Variants in VWA8 observed in about 807,000 individuals in gnomAD.
VWA8 encodes the protein von Willebrand factor A domain containing 8, also known as von Willebrand factor A domain-containing protein 8.
A neutral mutation model predicts 241.5 loss-of-function variants in VWA8; 221 were observed. The ratio of observed to expected loss-of-function variants is 0.91; its 90% CI spans 0.82 to 1.02. The LOEUF (loss-of-function observed/expected upper bound fraction) is 1.02. Among genes scored for constraint, VWA8 ranks in the 50% least tolerant of loss-of-function variants. The pLI, the probability that VWA8 is intolerant of heterozygous loss-of-function variation, is 0.00. For missense variants in VWA8, 2,322 were observed against 2,328.7 expected, an observed-to-expected ratio of 1.00 and a Z score of 0.06; for synonymous variants, 852 against 827.1, an observed-to-expected ratio of 1.03 and a Z score of -0.52.
chr13:41,616,973 T>A (rs1376844704), intron 37 of VWA8, among the ~76,000 whole-genome samples: 3 of 152,044 alleles, frequency 2.0e-5, no homozygotes, highest in African/African-American at 4.8e-5. Flanking sequence ...ATTTAATAAA[T>A]CTATATGAGT....
At chr13:41,758,397 A>AAT (rs1566444703) in intron 21 of VWA8, among the ~76,000 whole-genome samples, 1 of 8,630 alleles carries the variant, frequency 1.2e-4, no homozygotes, top group African/African-American at 3.2e-4. Context: ...TATATACGCT[A>AAT]GTATATATAT....
intron 17 of VWA8, among the ~76,000 whole-genome samples, chr13:41,794,978 G>C (rs184468937): frequency 9.2e-5 from 14 of 152,256 alleles, no homozygotes; most frequent in Non-Finnish European, 1.9e-4. Flanking sequence ...AAGAGCTTCT[G>C]CACAGCAAAA....
At chr13:41,937,561 C>T (rs1593883446) in intron 2 of VWA8, among the ~76,000 whole-genome samples, 3 of 152,316 alleles carry the variant, frequency 2.0e-5, no homozygotes, top group Admixed American at 2.0e-4. Flanking sequence ...GCTGTAAATA[C>T]AGATGAAGCT....
At chr13:41,791,881 C>T (rs1869476909) in intron 17 of VWA8, among the ~76,000 whole-genome samples, 1 of 151,574 alleles carries the variant, frequency 6.6e-6, no homozygotes, top group Non-Finnish European at 1.5e-5. Flanking sequence ...ACATGTAAGT[C>T]TATCTTTAAA....
At chr13:41,602,578 G>A (rs1329256194) in intron 40 of VWA8, among the ~76,000 whole-genome samples, 2 of 152,146 alleles carry the variant, frequency 1.3e-5, no homozygotes, top group African/African-American at 4.8e-5. Flanking sequence ...CACAATGAAT[G>A]TAAAGTACCT....
chr13:41,638,194 T>C (rs2044771506), intron 37 of VWA8, among the ~76,000 whole-genome samples: 2 of 152,326 alleles, frequency 1.3e-5, no homozygotes, highest in Non-Finnish European at 2.9e-5. Context: ...TTGAAACCTG[T>C]TTATATCTAC....
intron 43 of VWA8, among the ~76,000 whole-genome samples, chr13:41,573,486 A>AAAAAATAT: frequency 8.8e-5 from 10 of 113,614 alleles, no homozygotes; most frequent in African/African-American, 3.4e-4. Flanking sequence ...AAAAAAAAAA[A>AAAAAATAT]ATATATATAT....
intron 2 of VWA8, among the ~76,000 whole-genome samples, chr13:41,942,202 A>G (rs1290330335): frequency 6.6e-6 from 1 of 152,208 alleles, no homozygotes; most frequent in Non-Finnish European, 1.5e-5. Flanking sequence ...AACCTATTAA[A>G]ATAACACACT....
intron 17 of VWA8, among the ~76,000 whole-genome samples, chr13:41,801,010 T>C (rs1869933187): frequency 6.6e-6 from 1 of 152,194 alleles, no homozygotes; most frequent in Non-Finnish European, 1.5e-5. Flanking sequence ...TAGACTGAAT[T>C]AGTAATAAAT....
chr13:41,720,752 G>A (rs1362685505), intron 25 of VWA8, among the ~76,000 whole-genome samples: 1 of 152,108 alleles, frequency 6.6e-6, no homozygotes, highest in Non-Finnish European at 1.5e-5. Context: ...TGGAGGGTTG[G>A]GGATAAGGCA....
At chr13:41,697,083 C>G (rs1297576171) in intron 29 of VWA8, among the ~76,000 whole-genome samples, 1 of 152,180 alleles carries the variant, frequency 6.6e-6, no homozygotes, top group Admixed American at 6.5e-5. Context: ...GCTTCCCTCC[C>G]AAACTGATTG....
In VWA8 at chr13:41,611,660, TG is replaced by T; in HGVS notation, c.4792del (p.Gln1598ArgfsTer30). 6.2e-7 allele frequency: 1 copy of T among 1,614,108 alleles called. No individual in the cohort carries two copies. The highest frequency in any genetic ancestry group is 1.3e-5 in the African/African-American group (1 of 75,034). Reference sequence around the variant, plus strand: ...TGCATCTTTCTCAGCCTGAGAGACCTGGTACACCGTATGGCCTGCATCCAGC... The same window carrying T: ...TGCATCTTTCTCAGCCTGAGAGACCTGTACACCGTATGGCCTGCATCCAGC... The part of the protein sequence containing the change: ...YRLDAGHTVY[Q>X]VSQAEKDAVP... On this transcript the variant is annotated frameshift_variant, in exon 39 of 45. Transcript: ENST00000379310. LOFTEE classifies it high-confidence loss of function.
chr13:41,793,365 C>T (rs1425612775), intron 17 of VWA8, among the ~76,000 whole-genome samples: 2 of 152,064 alleles, frequency 1.3e-5, no homozygotes, highest in Non-Finnish European at 2.9e-5. Context: ...AATATACCTA[C>T]ATTTGAGATA....
At chr13:41,815,377 T>A (rs527487831) in intron 16 of VWA8, among the ~76,000 whole-genome samples, 1 of 152,224 alleles carries the variant, frequency 6.6e-6, no homozygotes, top group Non-Finnish European at 1.5e-5. Flanking sequence ...TATGGCAAAA[T>A]TGACTTTGCA....
chr13:41,821,557 A>C (rs1329199460), intron 14 of VWA8, among the ~76,000 whole-genome samples: 1 of 152,206 alleles, frequency 6.6e-6, no homozygotes, highest in Non-Finnish European at 1.5e-5. Context: ...GTGATAGATA[A>C]TGAAAAAATT....
rs577291299 is a variant in VWA8 at position 41,698,093 on chromosome 13, C to T, written c.3564+978G>A. Among the ~76,000 whole-genome samples the T allele has an allele frequency of 2.0e-5, 3 of 152,160 alleles. No homozygotes were observed. The East Asian group carries it at 5.8e-4, about 29-fold the overall frequency. On this transcript the variant is annotated intron_variant, in intron 29 of 44. Coordinates refer to ENST00000379310, the MANE Select transcript of VWA8 (RefSeq NM_015058.2). ...TCCCTGCCTGCCTTATTTTAAATTG[C>T]AGTCTTATTCCCTCTTGTTTCTCAC...
At chr13:41,753,209 A>G (rs2045669107) in intron 21 of VWA8, among the ~76,000 whole-genome samples, 1 of 152,160 alleles carries the variant, frequency 6.6e-6, no homozygotes, top group Non-Finnish European at 1.5e-5. Context: ...CCCAATCTAA[A>G]CACCACTATT....
At chr13:41,869,573 G>A (rs569642341) in intron 9 of VWA8, among the ~76,000 whole-genome samples, 1 of 133,600 alleles carries the variant, frequency 7.5e-6, no homozygotes, top group Admixed American at 8.5e-5. Flanking sequence ...AGAGGTTGCA[G>A]TGAACTGAGA....
At chr13:41,626,147 G>T (rs1478943179) in intron 37 of VWA8, among the ~76,000 whole-genome samples, 1 of 151,180 alleles carries the variant, frequency 6.6e-6, no homozygotes, top group East Asian at 2.0e-4. Context: ...ACGAGTTAAT[G>T]GGTGCAGCAC....
Sources: allele counts gnomAD v4.1 joint callset (sites outside exome capture counted in the v4.1 genomes callset), GRCh38; gene constraint gnomAD v4.1.1; transcripts MANE v1.5; gene names NCBI Gene and HGNC (gene_info 2026-07-23, HGNC 2026-07-21).